The following PAG1 variants were observed in gnomAD, a reference collection of about 807,000 sequenced individuals.
PAG1 encodes phosphoprotein associated with glycosphingolipid-enriched microdomains 1.
In PAG1, 23 loss-of-function variants were observed where a neutral mutation model predicts 31.7. The ratio of observed to expected loss-of-function variants is 0.73; its 90% CI spans 0.52 to 1.03. The LOEUF is 1.03. Ranked by LOEUF, PAG1 falls within the 50% of genes least tolerant of loss-of-function variation. The pLI is 0.00. For missense variants in PAG1, 473 were observed against 540.7 expected (o/e 0.87, Z 1.24); for synonymous variants, 214 against 210.3 (o/e 1.02, Z -0.15).
chr8:81,049,192 A>T (rs768464208), intron 2 of PAG1, among the ~76,000 whole-genome samples: 6 of 152,218 alleles, frequency 3.9e-5, no homozygotes, highest in Non-Finnish European at 7.3e-5. Flanking sequence ...ACAAACCCTC[A>T]CTTCAACAAA....
At chr8:80,982,987 G>C (rs1413953246) in intron 7 of PAG1, among the ~76,000 whole-genome samples, 1 of 152,166 alleles carries the variant, frequency 6.6e-6, no homozygotes. Context: ...GGGATCCTTT[G>C]AAAACATAGG....
chr8:81,093,733 C>T (rs1397112690), intron 1 of PAG1, among the ~76,000 whole-genome samples: 2 of 151,830 alleles, frequency 1.3e-5, no homozygotes, highest in Admixed American at 1.3e-4. Flanking sequence ...ATCACCCTCT[C>T]TGGACGATCA....
In PAG1 at chr8:80,991,655, T is replaced by C. The variant is rs1289727641; in HGVS notation, c.126-125A>G. 4.0e-6 allele frequency: 3 copies of C among 748,424 alleles called. No homozygotes were observed. The African/African-American group carries it at 5.2e-5, about 13-fold the overall frequency. 46.4% of individuals were successfully genotyped at this position (748,424 alleles called of 1,614,324 possible). On this transcript the variant is annotated intron_variant, in intron 4 of 8. Transcript: ENST00000220597. ...CTCGTTTTAAGAACCATGTTTATTT[T>C]GTCAACAAAGACAAAATCAGACAGT...
At chr8:81,010,313 C>T (rs1482422540) in intron 3 of PAG1, among the ~76,000 whole-genome samples, 4 of 152,154 alleles carry the variant, frequency 2.6e-5, no homozygotes, top group Non-Finnish European at 4.4e-5. Flanking sequence ...GCTCACACAA[C>T]ATAAAGACTC....
At chr8:81,101,368 C>A (rs1764586857) in intron 1 of PAG1, among the ~76,000 whole-genome samples, 1 of 152,102 alleles carries the variant, frequency 6.6e-6, no homozygotes, top group African/African-American at 2.4e-5. Flanking sequence ...TAAATATGTA[C>A]AAATATTTAT....
At chr8:81,007,868 T>C (rs1202534330) in intron 3 of PAG1, among the ~76,000 whole-genome samples, 1 of 152,150 alleles carries the variant, frequency 6.6e-6, no homozygotes, top group African/African-American at 2.4e-5. Context: ...GTGAGAAATA[T>C]AACAGTGGAA....
At chr8:81,088,931 A>C (rs907826974) in intron 1 of PAG1, among the ~76,000 whole-genome samples, 2 of 152,240 alleles carry the variant, frequency 1.3e-5, no homozygotes, top group Non-Finnish European at 2.9e-5. Flanking sequence ...ATTTGTTTTT[A>C]GCTTTTTGAG....
At chr8:81,087,897 G>A (rs1466986424) in intron 1 of PAG1, among the ~76,000 whole-genome samples, 1 of 152,134 alleles carries the variant, frequency 6.6e-6, no homozygotes, top group African/African-American at 2.4e-5. Context: ...GACAGTTTTA[G>A]GAAAGGGAAG....
At chr8:81,067,016 G>A (rs1008241306) in intron 2 of PAG1, among the ~76,000 whole-genome samples, 2 of 152,090 alleles carry the variant, frequency 1.3e-5, no homozygotes, top group Admixed American at 1.3e-4. Flanking sequence ...AAAAAAAGTA[G>A]CCAGGCATGG....
chr8:81,021,546 GTGTT>G (rs1241425851), intron 3 of PAG1, among the ~76,000 whole-genome samples: 2 of 148,814 alleles, frequency 1.3e-5, no homozygotes, highest in East Asian at 2.0e-4. Context: ...GTGTGCCTCT[GTGTT>G]TGTGTGTGTG....
chr8:81,083,772 C>T (rs1313837732), intron 1 of PAG1, among the ~76,000 whole-genome samples: 4 of 152,158 alleles, frequency 2.6e-5, no homozygotes, highest in Non-Finnish European at 5.9e-5. Flanking sequence ...TGGTGGCTTA[C>T]ACCTATGATC....
intron 1 of PAG1, among the ~76,000 whole-genome samples, chr8:81,072,180 G>C (rs992248148): frequency 3.3e-5 from 5 of 152,234 alleles, no homozygotes; most frequent in African/African-American, 1.2e-4. Context: ...GCTGGAAACT[G>C]TAGTGTGCTT....
intron 6 of PAG1, among the ~76,000 whole-genome samples, chr8:80,987,122 A>G (rs774893426): frequency 2.6e-5 from 4 of 152,200 alleles, no homozygotes; most frequent in Non-Finnish European, 4.4e-5. Flanking sequence ...GTACATGTAA[A>G]TGTACTAAAA....
intron 2 of PAG1, among the ~76,000 whole-genome samples, chr8:81,066,001 C>T (rs1324540056): frequency 6.6e-6 from 1 of 152,152 alleles, no homozygotes; most frequent in Non-Finnish European, 1.5e-5. Flanking sequence ...AATGAAGTAT[C>T]CCAAAGTGAA....
intron 3 of PAG1, among the ~76,000 whole-genome samples, chr8:81,003,636 C>T (rs1156560629): frequency 1.3e-5 from 2 of 152,128 alleles, no homozygotes; most frequent in Admixed American, 1.3e-4. Context: ...CGAGTCCAAG[C>T]CGCCCCATGC....
At chr8:81,071,264 C>T (rs186332432) in intron 1 of PAG1, among the ~76,000 whole-genome samples, 24 of 152,136 alleles carry the variant, frequency 1.6e-4, no homozygotes, top group African/African-American at 5.3e-4. Flanking sequence ...GTCTAAGAGC[C>T]GCCTGAATAT....
intron 1 of PAG1, among the ~76,000 whole-genome samples, chr8:81,088,866 G>T: frequency 6.6e-6 from 1 of 152,170 alleles, no homozygotes; most frequent in East Asian, 1.9e-4. Flanking sequence ...CATCCTTAAG[G>T]AAAAAAGGCA....
At chr8:81,097,632 G>A (rs962261195) in intron 1 of PAG1, among the ~76,000 whole-genome samples, 4 of 151,828 alleles carry the variant, frequency 2.6e-5, no homozygotes, top group Non-Finnish European at 5.9e-5. Context: ...ACAACCAAAT[G>A]GCAATGATTC....
intron 5 of PAG1, among the ~76,000 whole-genome samples, chr8:80,988,590 C>A (rs796579014): frequency 6.6e-6 from 1 of 152,218 alleles, no homozygotes; most frequent in Non-Finnish European, 1.5e-5. Flanking sequence ...CCTCTGGAAT[C>A]GGTGGGACTA....
Sources: gnomAD v4.1 joint callset for allele counts (sites outside exome capture counted in the v4.1 genomes callset) on GRCh38, gnomAD v4.1.1 for gene constraint, MANE v1.5 for transcripts, NCBI Gene and HGNC (gene_info 2026-07-23, HGNC 2026-07-21) for gene names.